Variants in AUTS2 observed in about 807,000 individuals in gnomAD.
AUTS2 encodes the protein activator of transcription and developmental regulator AUTS2.
AUTS2 carries 17 observed loss-of-function variants against 112.4 expected under a neutral mutation model. The observed-to-expected ratio is 0.15, with a 90% confidence interval of 0.10 to 0.23. The LOEUF (loss-of-function observed/expected upper bound fraction) is 0.23. AUTS2 is among the 10% of genes least tolerant of loss of function. The probability of loss-of-function intolerance (pLI) is 1.00; values close to 1 mark genes in which losing one functional copy is unlikely to be tolerated. For synonymous variants in AUTS2, 751 were observed against 702.7 expected (o/e 1.07, Z -1.09); for missense variants, 1,510 against 1,701.6 (o/e 0.89, Z 1.98).
At chr7:69,716,475 T>G (rs753444445) in intron 1 of AUTS2, among the ~76,000 whole-genome samples, 10 of 152,182 alleles carry the variant, frequency 6.6e-5, no homozygotes, top group Non-Finnish European at 1.3e-4. Context: ...TAGTGAAAAA[T>G]CAAGGTGTTT....
chr7:70,127,934 C>T (rs898125904), intron 3 of AUTS2, among the ~76,000 whole-genome samples: 2 of 151,808 alleles, frequency 1.3e-5, no homozygotes, highest in African/African-American at 4.8e-5. Context: ...CCTTCCTTCT[C>T]TCCCTCCCTC....
At chr7:69,918,994 G>T (rs536667669) in intron 2 of AUTS2, among the ~76,000 whole-genome samples, 4 of 152,210 alleles carry the variant, frequency 2.6e-5, no homozygotes, top group Non-Finnish European at 4.4e-5. Context: ...ACTCTTGGGG[G>T]TAGAAATACA....
chr7:70,767,885 C>G (rs1790038127), intron 9 of AUTS2, 139 bp from the exon 10 acceptor site: 1 of 768,730 alleles, frequency 1.3e-6, no homozygotes, highest in Non-Finnish European at 2.2e-6. Flanking sequence ...CTCAGGAGCT[C>G]AGAATGGTTT....
intron 4 of AUTS2, among the ~76,000 whole-genome samples, chr7:70,326,916 T>TC (rs1158417171): frequency 3.4e-5 from 2 of 59,378 alleles, no homozygotes; most frequent in African/African-American, 1.1e-4. Context: ...TATGCTTGGT[T>TC]CTTTTTTTTT....
chr7:70,361,645 G>A (rs1283593891), intron 4 of AUTS2, among the ~76,000 whole-genome samples: 1 of 152,140 alleles, frequency 6.6e-6, no homozygotes, highest in Non-Finnish European at 1.5e-5. Context: ...AAATTATACA[G>A]TCCAAGGAGG....
intron 2 of AUTS2, among the ~76,000 whole-genome samples, chr7:70,075,090 A>G (rs1298706732): frequency 2.0e-5 from 3 of 152,192 alleles, no homozygotes; most frequent in African/African-American, 7.2e-5. Context: ...CTCCCAAGGG[A>G]ATAAACCTGT....
rs554104164 is a variant in AUTS2, at chr7:70,440,052, C to T, written c.690+4271C>T. Among the ~76,000 whole-genome samples the T allele has an allele frequency of 3.2e-4, 49 of 152,032 alleles. 1 individual carries two copies. The highest frequency in any genetic ancestry group is 1.2e-3 in the African/African-American group (48 of 41,442). On this transcript the variant is annotated intron_variant, in intron 5 of 18. Transcript: ENST00000342771. ...TTTCTCAGCTGTCAAATGGGGGTGA[C>T]AACAGCTCTACATATAGTCCTGTAG...
chr7:70,434,931 AT>A (rs917621758), intron 4 of AUTS2, among the ~76,000 whole-genome samples: 2 of 151,982 alleles, frequency 1.3e-5, no homozygotes, highest in African/African-American at 4.8e-5. Flanking sequence ...AAAACACTTC[AT>A]TTTTTTTAAG....
chr7:70,012,724 G>C (rs750913584), intron 2 of AUTS2, among the ~76,000 whole-genome samples: 8 of 152,164 alleles, frequency 5.3e-5, no homozygotes, highest in Non-Finnish European at 1.0e-4. Flanking sequence ...AGCACACTAT[G>C]CTGACACTAA....
chr7:69,748,074 C>T lies in AUTS2; in HGVS notation c.309+148112C>T, dbSNP rs369825802. Among the ~76,000 whole-genome samples, 10 of 151,760 alleles carry T rather than the reference C, an allele frequency of 6.6e-5. No individual in the cohort carries two copies. The East Asian group carries it at 1.9e-3, about 29-fold the overall frequency. On this transcript the variant is annotated intron_variant, in intron 1 of 18. Coordinates refer to ENST00000342771, the MANE Select transcript of AUTS2 (RefSeq NM_015570.4). ...GGTTCCTTATTAGAATGGATTCTTC[C>T]TAATATGAAACTTGAGTTATTGAAT... is the stretch of plus-strand genomic sequence containing the variant.
At chr7:69,621,007 T>C (rs930271697) in intron 1 of AUTS2, among the ~76,000 whole-genome samples, 2 of 152,178 alleles carry the variant, frequency 1.3e-5, no homozygotes, top group Non-Finnish European at 2.9e-5. Flanking sequence ...TTAGAAAGAA[T>C]AGGACATGAA....
At chr7:69,779,607 C>G (rs958554439) in intron 1 of AUTS2, among the ~76,000 whole-genome samples, 1 of 151,568 alleles carries the variant, frequency 6.6e-6, no homozygotes. Flanking sequence ...ACTAAAAATA[C>G]AAAAATATAG....
intron 5 of AUTS2, among the ~76,000 whole-genome samples, chr7:70,483,002 G>GT (rs371604234): frequency 3.3e-5 from 5 of 152,172 alleles, no homozygotes; most frequent in Non-Finnish European, 7.3e-5. Context: ...TTTCTATTGA[G>GT]TTTTTTATAT....
chr7:70,190,603 G>A (rs942014435), intron 4 of AUTS2, among the ~76,000 whole-genome samples: 6 of 152,078 alleles, frequency 3.9e-5, no homozygotes, highest in South Asian at 2.1e-4. Flanking sequence ...CAGTGCATTC[G>A]GGTAAGGTGA....
intron 6 of AUTS2, among the ~76,000 whole-genome samples, chr7:70,701,687 G>C (rs1312107779): frequency 6.6e-6 from 1 of 152,176 alleles, no homozygotes; most frequent in Non-Finnish European, 1.5e-5. Flanking sequence ...AATGAGGACT[G>C]AGCATTTCGA....
intron 4 of AUTS2, among the ~76,000 whole-genome samples, chr7:70,217,583 A>T (rs1811237078): frequency 6.6e-6 from 1 of 152,160 alleles, no homozygotes; most frequent in South Asian, 2.1e-4. Flanking sequence ...CTGGGTGTGA[A>T]TCAGGTATAT....
intron 5 of AUTS2, among the ~76,000 whole-genome samples, chr7:70,527,285 C>T (rs1799880202): frequency 6.6e-6 from 1 of 152,164 alleles, no homozygotes; most frequent in African/African-American, 2.4e-5. Context: ...AGTTAAAATT[C>T]CAGTTTCTCC....
intron 5 of AUTS2, among the ~76,000 whole-genome samples, chr7:70,559,742 TC>T (rs1801400491): frequency 2.0e-5 from 3 of 152,210 alleles, no homozygotes; most frequent in Admixed American, 1.3e-4. Context: ...GAGCAGCTCA[TC>T]TGAGCCCCAG....
chr7:70,124,159 A>T (rs1261961403), intron 3 of AUTS2, among the ~76,000 whole-genome samples: 2 of 152,054 alleles, frequency 1.3e-5, no homozygotes, highest in African/African-American at 4.8e-5. Flanking sequence ...TCTTCTTTTG[A>T]AAAGTATCTC....
Sources: gnomAD v4.1 joint callset for allele counts (sites outside exome capture counted in the v4.1 genomes callset) on GRCh38, gnomAD v4.1.1 for gene constraint, MANE v1.5 for transcripts, NCBI Gene and HGNC (gene_info 2026-07-23, HGNC 2026-07-21) for gene names.